FMN2: variants seen among roughly 807,000 people sequenced by gnomAD.
The protein encoded by FMN2 is formin 2.
FMN2 carries 51 observed loss-of-function variants against 142.3 expected under a neutral mutation model. That is an observed-to-expected ratio of 0.36 (90% CI 0.29 to 0.45). FMN2 has a LOEUF of 0.45. FMN2 is among the 20% of genes least tolerant of loss of function. The probability of loss-of-function intolerance (pLI) is 1.00; values close to 1 mark genes in which losing one functional copy is unlikely to be tolerated. For missense variants in FMN2, 1,936 were observed against 2,122.8 expected (o/e 0.91, Z 1.73); for synonymous variants, 882 against 869.8 (o/e 1.01, Z -0.25).
chr1:240,164,787 C>CACT (rs1454126629), intron 2 of FMN2, among the ~76,000 whole-genome samples: 1 of 152,136 alleles, frequency 6.6e-6, no homozygotes, highest in East Asian at 1.9e-4. Flanking sequence ...TGTATTCACC[C>CACT]ACTTATAGCA....
intron 16 of FMN2, among the ~76,000 whole-genome samples, chr1:240,456,975 C>T (rs1676267418): frequency 6.6e-6 from 1 of 152,116 alleles, no homozygotes; most frequent in African/African-American, 2.4e-5. Context: ...TGACATAAAC[C>T]CTTTGTCCTC....
intron 2 of FMN2, among the ~76,000 whole-genome samples, chr1:240,172,210 A>ACACACACACACACACC (rs1664731248): frequency 6.6e-6 from 1 of 151,208 alleles, no homozygotes; most frequent in African/African-American, 2.5e-5. Context: ...ATACACACAC[A>ACACACACACACACACC]CACACACAGA....
At chr1:240,383,603 A>G (rs1673301327) in intron 14 of FMN2, among the ~76,000 whole-genome samples, 1 of 152,160 alleles carries the variant, frequency 6.6e-6, no homozygotes. Context: ...AGAGGTAGAC[A>G]TGGATGTGCA....
chr1:240,137,864 C>T (rs1388084185), intron 2 of FMN2, among the ~76,000 whole-genome samples: 1 of 151,880 alleles, frequency 6.6e-6, no homozygotes, highest in East Asian at 1.9e-4. Flanking sequence ...GGCCAAGGGG[C>T]AGATCACTTG....
intron 4 of FMN2, among the ~76,000 whole-genome samples, chr1:240,200,903 T>G (rs2103371863): frequency 6.6e-6 from 1 of 152,322 alleles, no homozygotes; most frequent in East Asian, 1.9e-4. Context: ...TATGAATTTT[T>G]TGACTCTTCC....
intron 15 of FMN2, among the ~76,000 whole-genome samples, chr1:240,429,555 G>A (rs79208289): frequency 0.033 from 4,955 of 152,194 alleles, 253 homozygotes; most frequent in African/African-American, 0.11. Context: ...TATTAAAACA[G>A]TTGTGTTTCC....
chr1:240,403,855 A>G (rs1427052090), intron 15 of FMN2, among the ~76,000 whole-genome samples: 1 of 152,190 alleles, frequency 6.6e-6, no homozygotes, highest in Non-Finnish European at 1.5e-5. Flanking sequence ...TCTTAAAGAG[A>G]ATACACTACA....
chr1:240,205,815 A>G (rs1407004290), intron 4 of FMN2, among the ~76,000 whole-genome samples: 1 of 145,470 alleles, frequency 6.9e-6, no homozygotes, highest in African/African-American at 2.5e-5. Flanking sequence ...TTCCTGGTTG[A>G]TTGTGAGTTT....
At chr1:240,255,997 G>A (rs61612587) in intron 6 of FMN2, among the ~76,000 whole-genome samples, 4,185 of 152,224 alleles carry the variant, frequency 0.027, 179 homozygotes, top group African/African-American at 0.096. Context: ...AATGTTAGGA[G>A]CCCTGGAAGA....
intron 14 of FMN2, among the ~76,000 whole-genome samples, 173 bp from the exon 15 acceptor site, chr1:240,392,338 A>G (rs557194451): frequency 6.6e-6 from 1 of 152,188 alleles, no homozygotes; most frequent in Non-Finnish European, 1.5e-5. Context: ...AAAATTAAGT[A>G]GAATCATTTA....
At chr1:240,111,783 T>C (rs1187807183) in intron 1 of FMN2, among the ~76,000 whole-genome samples, 2 of 152,144 alleles carry the variant, frequency 1.3e-5, no homozygotes, top group Non-Finnish European at 2.9e-5. Flanking sequence ...CTATTCAAGA[T>C]GGAGTCACTC....
intron 14 of FMN2, among the ~76,000 whole-genome samples, chr1:240,376,999 A>G (rs994842268): frequency 6.6e-6 from 1 of 152,184 alleles, no homozygotes; most frequent in African/African-American, 2.4e-5. Context: ...TATATTTTAC[A>G]TCTACATATG....
chr1:240,386,288 C>G (rs1267495574), intron 14 of FMN2, among the ~76,000 whole-genome samples: 1 of 152,184 alleles, frequency 6.6e-6, no homozygotes, highest in Non-Finnish European at 1.5e-5. Flanking sequence ...ATATCCCATA[C>G]TGGCTGCACT....
At chr1:240,158,471 G>A (rs531649386) in intron 2 of FMN2, among the ~76,000 whole-genome samples, 1 of 152,256 alleles carries the variant, frequency 6.6e-6, no homozygotes, top group African/African-American at 2.4e-5. Flanking sequence ...GATTAGGAAA[G>A]AGTCATTTAG....
At chr1:240,369,520 C>T (rs758844299) in intron 14 of FMN2, among the ~76,000 whole-genome samples, 12 of 152,140 alleles carry the variant, frequency 7.9e-5, no homozygotes, top group Admixed American at 4.6e-4. Flanking sequence ...TTCTCAAGTA[C>T]ACCCTTGAAA....
intron 8 of FMN2, among the ~76,000 whole-genome samples, chr1:240,298,755 C>T (rs915409205): frequency 6.6e-6 from 1 of 152,156 alleles, no homozygotes; most frequent in African/African-American, 2.4e-5. Flanking sequence ...AATGCCAGGT[C>T]TGTGGAAGAA....
intron 16 of FMN2, among the ~76,000 whole-genome samples, chr1:240,447,420 G>GC (rs1050906534): frequency 3.8e-4 from 58 of 152,088 alleles, no homozygotes; most frequent in Non-Finnish European, 6.8e-4. Flanking sequence ...AAGTAGAATG[G>GC]CCAGTAAACA....
At chr1:240,354,808 C>G (rs1672210880) in intron 13 of FMN2, among the ~76,000 whole-genome samples, 1 of 152,036 alleles carries the variant, frequency 6.6e-6, no homozygotes, top group Admixed American at 6.6e-5. Context: ...AAATGGCAAC[C>G]TTACCTTAAG....
chr1:240,220,881 C>G (rs1033969214), intron 6 of FMN2, among the ~76,000 whole-genome samples: 1 of 152,004 alleles, frequency 6.6e-6, no homozygotes, highest in African/African-American at 2.4e-5. Flanking sequence ...CCCCACCCCA[C>G]GACAGGCCCC....
Sources: gnomAD v4.1 joint callset for allele counts (sites outside exome capture counted in the v4.1 genomes callset) on GRCh38, gnomAD v4.1.1 for gene constraint, MANE v1.5 for transcripts, NCBI Gene and HGNC (gene_info 2026-07-23, HGNC 2026-07-21) for gene names.